The following VWC2L variants were observed in gnomAD, a reference collection of about 807,000 sequenced individuals.
VWC2L encodes von Willebrand factor C domain containing 2 like, also known as von Willebrand factor C domain-containing protein 2-like.
VWC2L carries 10 observed loss-of-function variants against 21.6 expected under a neutral mutation model. The observed-to-expected ratio is 0.46, with a 90% CI of 0.29 to 0.78. VWC2L has a LOEUF of 0.78. Among genes scored for constraint, VWC2L ranks in the 30% least tolerant of loss-of-function variants. The probability of loss-of-function intolerance (pLI) is 0.10; values close to 1 mark genes in which losing one functional copy is unlikely to be tolerated. For missense variants in VWC2L, 209 were observed against 277.1 expected (o/e 0.75, Z 1.74); for synonymous variants, 96 against 94.3 (o/e 1.02, Z -0.10).
chr2:214,516,048 G>A lies in VWC2L; in HGVS notation c.521-59624G>A, dbSNP rs777309276. Among the ~76,000 whole-genome samples the A allele has an allele frequency of 2.4e-4, 37 of 152,182 alleles. No homozygotes were observed. The South Asian group carries it at 3.5e-3, about 15-fold the overall frequency. On this transcript the variant is annotated intron_variant, in intron 3 of 3. Transcript: ENST00000312504. ...AGAACTTTTTATTTCATAGGTGATG[G>A]TGTGCTGCAGCCAGTTGGCACAGAC...
chr2:214,426,718 T>C (rs557085180), intron 2 of VWC2L, among the ~76,000 whole-genome samples: 82 of 152,384 alleles, frequency 5.4e-4, no homozygotes, highest in African/African-American at 1.9e-3. Flanking sequence ...TTTTCTCTCA[T>C]ATCTTACCAG....
intron 3 of VWC2L, among the ~76,000 whole-genome samples, chr2:214,459,902 CTTTTTTT>C (rs57351904): frequency 1.1e-4 from 9 of 85,160 alleles, no homozygotes; most frequent in South Asian, 4.2e-4. Flanking sequence ...TTTCCTTTGA[CTTTTTTT>C]TTTTTTTTTT....
intron 3 of VWC2L, among the ~76,000 whole-genome samples, chr2:214,465,960 A>G (rs1489352028): frequency 6.6e-6 from 1 of 152,118 alleles, no homozygotes; most frequent in East Asian, 1.9e-4. Context: ...CCCTCCCCCA[A>G]GCACACAGAT....
At chr2:214,421,502 A>G (rs374694976) in intron 2 of VWC2L, among the ~76,000 whole-genome samples, 17 of 152,114 alleles carry the variant, frequency 1.1e-4, no homozygotes, top group African/African-American at 1.9e-4. Context: ...GTTAATGGTG[A>G]TAACTGTGTG....
intron 2 of VWC2L, among the ~76,000 whole-genome samples, chr2:214,415,354 C>T (rs1195256308): frequency 1.3e-5 from 2 of 152,136 alleles, no homozygotes; most frequent in South Asian, 2.1e-4. Context: ...CTGATCTGAA[C>T]CCTGAAGGTA....
chr2:214,511,121 C>T (rs1039898243), intron 3 of VWC2L, among the ~76,000 whole-genome samples: 3 of 151,934 alleles, frequency 2.0e-5, no homozygotes, highest in Non-Finnish European at 4.4e-5. Flanking sequence ...ACCCCATCTC[C>T]ACCAAAAATT....
At chr2:214,513,324 C>A (rs1259988463) in intron 3 of VWC2L, among the ~76,000 whole-genome samples, 1 of 152,076 alleles carries the variant, frequency 6.6e-6, no homozygotes, top group Non-Finnish European at 1.5e-5. Flanking sequence ...AAACATCCAA[C>A]AAAATCATGC....
chr2:214,543,461 C>T (rs766080577), intron 3 of VWC2L, among the ~76,000 whole-genome samples: 4 of 152,108 alleles, frequency 2.6e-5, no homozygotes, highest in East Asian at 3.8e-4. Flanking sequence ...TAATCAATAT[C>T]GTCAAGTTTT....
intron 2 of VWC2L, among the ~76,000 whole-genome samples, chr2:214,432,579 G>A (rs924322943): frequency 6.6e-6 from 1 of 152,182 alleles, no homozygotes; most frequent in Admixed American, 6.5e-5. Context: ...CTCTTTATCT[G>A]AAGCTTCTAA....
chr2:214,524,047 CATT>C (rs1191005350), intron 3 of VWC2L, among the ~76,000 whole-genome samples: 2 of 152,098 alleles, frequency 1.3e-5, no homozygotes, highest in South Asian at 4.2e-4. Flanking sequence ...TATCTTAAAT[CATT>C]ATTACAAGAG....
At chr2:214,502,723 G>GT (rs1298444165) in intron 3 of VWC2L, among the ~76,000 whole-genome samples, 5 of 152,120 alleles carry the variant, frequency 3.3e-5, no homozygotes, top group Non-Finnish European at 5.9e-5. Context: ...TCTATTTTGT[G>GT]TAACACCAGG....
chr2:214,492,157 CAA>C (rs1688752641), intron 3 of VWC2L, among the ~76,000 whole-genome samples: 5 of 152,258 alleles, frequency 3.3e-5, no homozygotes, highest in Middle Eastern at 3.4e-3. Context: ...AGGGAGAAGT[CAA>C]AGAGTATTTT....
At chr2:214,417,998 A>C (rs1702381552) in intron 2 of VWC2L, among the ~76,000 whole-genome samples, 1 of 151,974 alleles carries the variant, frequency 6.6e-6, no homozygotes, top group Non-Finnish European at 1.5e-5. Flanking sequence ...CAAATCCCTC[A>C]AACTCTTGGT....
intron 3 of VWC2L, among the ~76,000 whole-genome samples, chr2:214,489,567 G>C (rs531548418): frequency 6.6e-6 from 1 of 152,312 alleles, no homozygotes; most frequent in Admixed American, 6.5e-5. Flanking sequence ...AGAAAGCAGA[G>C]CAGTCAAGTT....
At chr2:214,454,344 C>T (rs933163826) in intron 3 of VWC2L, among the ~76,000 whole-genome samples, 7 of 151,966 alleles carry the variant, frequency 4.6e-5, no homozygotes, top group Non-Finnish European at 1.0e-4. Context: ...TACATTCTTA[C>T]GTTGTTCTGA....
intron 3 of VWC2L, among the ~76,000 whole-genome samples, chr2:214,502,022 C>T (rs1356059318): frequency 3.3e-5 from 5 of 152,174 alleles, no homozygotes; most frequent in Non-Finnish European, 5.9e-5. Flanking sequence ...TCCCAGATGG[C>T]ATGATTATGA....
chr2:214,452,140 TTG>T (rs1206275953), intron 3 of VWC2L, among the ~76,000 whole-genome samples: 1 of 152,138 alleles, frequency 6.6e-6, no homozygotes, highest in Non-Finnish European at 1.5e-5. Context: ...TCTCTTTTGT[TTG>T]TTTTTGGCTT....
At chr2:214,525,545 G>T (rs1054821799) in intron 3 of VWC2L, among the ~76,000 whole-genome samples, 1 of 152,058 alleles carries the variant, frequency 6.6e-6, no homozygotes, top group African/African-American at 2.4e-5. Context: ...TGTGAATGTG[G>T]CAATAACTCT....
chr2:214,551,306 A>G (rs773494050), intron 3 of VWC2L, among the ~76,000 whole-genome samples: 5 of 152,204 alleles, frequency 3.3e-5, no homozygotes, highest in Non-Finnish European at 5.9e-5. Context: ...TAAAGGTCTC[A>G]GTCAAATTTT....
Sources: allele counts gnomAD v4.1 joint callset (sites outside exome capture counted in the v4.1 genomes callset), GRCh38; gene constraint gnomAD v4.1.1; transcripts MANE v1.5; gene names NCBI Gene and HGNC (gene_info 2026-07-23, HGNC 2026-07-21).